PHF20: variants seen among roughly 807,000 people sequenced by gnomAD.
The protein encoded by PHF20 is PHD finger protein 20.
PHF20 carries 23 observed loss-of-function variants against 113.5 expected under a neutral mutation model. The ratio of observed to expected loss-of-function variants is 0.20; its 90% CI spans 0.15 to 0.29. The LOEUF is 0.29. Ranked by LOEUF, PHF20 falls within the 10% of genes least tolerant of loss-of-function variation. The pLI, the probability that PHF20 is intolerant of heterozygous loss-of-function variation, is 1.00. For synonymous variants in PHF20, 434 were observed against 457.3 expected, an observed-to-expected ratio of 0.95 and a Z score of 0.65; for missense variants, 943 against 1,219.6, an observed-to-expected ratio of 0.77 and a Z score of 3.38.
intron 13 of PHF20, among the ~76,000 whole-genome samples, chr20:35,924,113 C>T (rs1166107003): frequency 2.0e-5 from 3 of 151,972 alleles, no homozygotes; most frequent in Non-Finnish European, 4.4e-5. Context: ...TAAGTACATT[C>T]ACATTGCTTT....
chr20:35,854,878 A>G (rs2042799426), intron 4 of PHF20, among the ~76,000 whole-genome samples: 1 of 152,196 alleles, frequency 6.6e-6, no homozygotes, highest in Non-Finnish European at 1.5e-5. Context: ...CTTTTATGTA[A>G]GTCCTCCTTC....
rs1436511296 is a variant in PHF20 at position 35,927,706 on chromosome 20, C to T, written c.2005-74C>T. On this transcript the variant is annotated intron_variant, in intron 13 of 17. Transcript: ENST00000374012. ...TTCTATCCTCCCATGCCCCTCCCCT[C>T]AGCAGGTGGGTCTTACTTTTGGATG... 14 of 1,125,046 alleles carry T rather than the reference C, an allele frequency of 1.2e-5. No individual in the cohort carries two copies. In the South Asian group the frequency reaches 1.4e-4, roughly 11 times the overall value. The allele number at this position is 1,125,046 out of a possible 1,614,324, so 69.7% of individuals were successfully genotyped here. A position where few individuals can be genotyped will look rare whatever the true frequency, so the allele number is the denominator to read the frequency against.
At chr20:35,919,223 G>A (rs2055463585) in intron 13 of PHF20, among the ~76,000 whole-genome samples, 1 of 151,978 alleles carries the variant, frequency 6.6e-6, no homozygotes, top group African/African-American at 2.4e-5. Context: ...CTCCATGTTG[G>A]TCAGGCTTGT....
intron 9 of PHF20, among the ~76,000 whole-genome samples, chr20:35,895,767 C>T (rs2054969118): frequency 6.7e-6 from 1 of 149,136 alleles, no homozygotes; most frequent in Non-Finnish European, 1.5e-5. Flanking sequence ...GCTACTGCAA[C>T]CTTCGCCTCC....
At chr20:35,847,178 T>A (rs2042639290) in intron 3 of PHF20, among the ~76,000 whole-genome samples, 172 bp from the exon 4 acceptor site, 1 of 152,134 alleles carries the variant, frequency 6.6e-6, no homozygotes, top group Non-Finnish European at 1.5e-5. Flanking sequence ...ACACCGAAAT[T>A]ATAGCAACTC....
intron 2 of PHF20, chr20:35,838,244 A>G (rs1316192014): frequency 3.9e-5 from 6 of 152,232 alleles, no homozygotes; most frequent in African/African-American, 1.2e-4. Flanking sequence ...GACATTTAAA[A>G]TAAGTATGTA....
intron 2 of PHF20, among the ~76,000 whole-genome samples, chr20:35,821,787 A>C (rs1032251958): frequency 6.6e-6 from 1 of 152,214 alleles, no homozygotes; most frequent in South Asian, 2.1e-4. Context: ...ACTAAAAAGC[A>C]GTGGGGGAGT....
chr20:35,809,442 G>C (rs1306068955), intron 2 of PHF20, among the ~76,000 whole-genome samples: 1 of 151,868 alleles, frequency 6.6e-6, no homozygotes, highest in African/African-American at 2.4e-5. Flanking sequence ...AGTCAGACAT[G>C]GTGGTGTGCG....
At chr20:35,868,897 C>T (rs1417416871) in intron 6 of PHF20, among the ~76,000 whole-genome samples, 3 of 152,018 alleles carry the variant, frequency 2.0e-5, no homozygotes, top group Non-Finnish European at 4.4e-5. Context: ...TTGAGACCAG[C>T]CTGACCAACA....
chr20:35,914,222 C>A (rs1414956986), intron 12 of PHF20, 25 bp downstream of exon 12: 1 of 1,599,624 alleles, frequency 6.3e-7, no homozygotes, highest in South Asian at 1.1e-5. Flanking sequence ...CTGTCCTGAT[C>A]ATTTGCTGAT....
At chr20:35,897,738 G>A (rs1220655549) in intron 9 of PHF20, among the ~76,000 whole-genome samples, 1 of 150,758 alleles carries the variant, frequency 6.6e-6, no homozygotes, top group African/African-American at 2.4e-5. Flanking sequence ...GACTAATTTT[G>A]TTGTATTTTT....
chr20:35,886,103 C>T (rs939364909), intron 9 of PHF20, among the ~76,000 whole-genome samples: 1 of 150,718 alleles, frequency 6.6e-6, no homozygotes, highest in African/African-American at 2.4e-5. Flanking sequence ...ATTTTAATGC[C>T]AAAAAATTAT....
chr20:35,899,242 G>T, intron 9 of PHF20, 128 bp from the exon 10 acceptor site: 1 of 686,118 alleles, frequency 1.5e-6, no homozygotes, highest in Non-Finnish European at 2.4e-6. Flanking sequence ...AGGAGGTAAT[G>T]GCAGTCTGAT....
At chr20:35,909,247 G>T (rs2055253558) in intron 10 of PHF20, among the ~76,000 whole-genome samples, 1 of 135,244 alleles carries the variant, frequency 7.4e-6, no homozygotes, top group South Asian at 2.6e-4. Flanking sequence ...AGTAATTGTG[G>T]TTTTTGCTGT....
intron 4 of PHF20, chr20:35,849,411 A>C: frequency 2.1e-6 from 1 of 470,658 alleles, no homozygotes; most frequent in Non-Finnish European, 4.4e-6. Flanking sequence ...GACCTGCTTC[A>C]AAGTAGAATG....
At chr20:35,774,082 ATCT>A (rs1219155373) in intron 1 of PHF20, among the ~76,000 whole-genome samples, 16 of 144,542 alleles carry the variant, frequency 1.1e-4, no homozygotes, top group African/African-American at 3.6e-4. Context: ...CCTCTTGTCA[ATCT>A]TCTTTTTTTT....
chr20:35,812,221 T>C (rs1410670753), intron 2 of PHF20, among the ~76,000 whole-genome samples: 6 of 152,226 alleles, frequency 3.9e-5, no homozygotes, highest in African/African-American at 1.4e-4. Flanking sequence ...TCCAGAGATA[T>C]TCAGATGTTC....
At chr20:35,791,510 G>T (rs2041552978) in intron 1 of PHF20, among the ~76,000 whole-genome samples, 2 of 137,970 alleles carry the variant, frequency 1.4e-5, no homozygotes, top group African/African-American at 5.5e-5. Context: ...TCTTAGAATA[G>T]TATATACATA....
At chr20:35,817,467 G>C (rs990015735) in intron 2 of PHF20, among the ~76,000 whole-genome samples, 5 of 152,040 alleles carry the variant, frequency 3.3e-5, no homozygotes, top group Non-Finnish European at 5.9e-5. Flanking sequence ...GATTACAGGC[G>C]TGAGCCACCA....
Sources: gnomAD v4.1 joint callset for allele counts (sites outside exome capture counted in the v4.1 genomes callset) on GRCh38, gnomAD v4.1.1 for gene constraint, MANE v1.5 for transcripts, NCBI Gene and HGNC (gene_info 2026-07-23, HGNC 2026-07-21) for gene names.